The following CNTN4 variants were observed in gnomAD, a reference collection of about 807,000 sequenced individuals.
The protein encoded by CNTN4 is contactin 4.
In CNTN4, 77 loss-of-function variants were observed where a neutral mutation model predicts 122.5. The observed-to-expected ratio is 0.63, with a 90% CI of 0.52 to 0.76. The LOEUF is 0.76. Among genes scored for constraint, CNTN4 ranks in the 30% least tolerant of loss-of-function variants. CNTN4 has a pLI of 0.00. For synonymous variants in CNTN4, 512 were observed against 447.0 expected (o/e 1.15, Z -1.83); for missense variants, 1,256 against 1,259.1 (o/e 1.00, Z 0.04).
At chr3:2,901,478 C>T (rs2094172922) in intron 11 of CNTN4, among the ~76,000 whole-genome samples, 1 of 152,062 alleles carries the variant, frequency 6.6e-6, no homozygotes, top group South Asian at 2.1e-4. Flanking sequence ...CCTAACTCAC[C>T]CCCTGCCTCA....
chr3:2,650,777 G>T (rs1368277022), intron 4 of CNTN4, among the ~76,000 whole-genome samples: 1 of 152,118 alleles, frequency 6.6e-6, no homozygotes, highest in East Asian at 1.9e-4. Flanking sequence ...GTGTTTTTTA[G>T]ACATAATGCT....
intron 2 of CNTN4, among the ~76,000 whole-genome samples, chr3:2,241,237 A>T (rs2039922570): frequency 6.6e-6 from 1 of 152,222 alleles, no homozygotes; most frequent in South Asian, 2.1e-4. Flanking sequence ...ACTACTAATT[A>T]GAAAAGTTGT....
At chr3:2,981,192 A>C (rs542257090) in intron 13 of CNTN4, among the ~76,000 whole-genome samples, 2,101 of 152,192 alleles carry the variant, frequency 0.014, 22 homozygotes, top group Admixed American at 0.017. Context: ...CGCCTGTAGT[A>C]CCAGCACTTT....
At chr3:2,263,686 A>T (rs555148462) in intron 2 of CNTN4, among the ~76,000 whole-genome samples, 4 of 152,160 alleles carry the variant, frequency 2.6e-5, no homozygotes, top group African/African-American at 9.6e-5. Context: ...ATTATTGTTA[A>T]TTATAATTTC....
chr3:2,944,471 G>A (rs1258202034), intron 13 of CNTN4, among the ~76,000 whole-genome samples: 1 of 151,900 alleles, frequency 6.6e-6, no homozygotes, highest in Admixed American at 6.6e-5. Flanking sequence ...TGTTGGTAAC[G>A]AAACTTTTAT....
intron 4 of CNTN4, among the ~76,000 whole-genome samples, chr3:2,593,646 A>C (rs1162811786): frequency 6.6e-6 from 1 of 152,212 alleles, no homozygotes; most frequent in Admixed American, 6.5e-5. Context: ...TAAGAATGTT[A>C]CTGCCACAGC....
chr3:2,488,996 A>G (rs563647250), intron 3 of CNTN4, among the ~76,000 whole-genome samples: 4 of 152,330 alleles, frequency 2.6e-5, no homozygotes, highest in South Asian at 4.1e-4. Context: ...GCATCACTCT[A>G]CAGAAACATG....
rs186920318 is a variant in CNTN4 at position 2,577,408 on chromosome 3, T to C, written c.55+5850T>C. 6.6e-5 allele frequency among the ~76,000 whole-genome samples: 10 copies of C among 152,356 alleles called. No individual in the cohort carries two copies. In the East Asian group the frequency reaches 1.7e-3, roughly 26 times the overall value. On this transcript the variant is annotated intron_variant, in intron 4 of 24. Coordinates refer to ENST00000418658, the MANE Select transcript of CNTN4 (RefSeq NM_175607.3). ...ATGCTCACAAACCACTGTGTAGTTA[T>C]ATCTATAAATATTATCTGGGTCCTG...
At chr3:2,791,532 C>CAA (rs11425573) in intron 6 of CNTN4, among the ~76,000 whole-genome samples, 66 of 143,100 alleles carry the variant, frequency 4.6e-4, no homozygotes, top group East Asian at 6.1e-4. Flanking sequence ...GATCCTGTCT[C>CAA]AAAAAAAAAA....
At chr3:2,177,147 A>C (rs2036783470) in intron 2 of CNTN4, among the ~76,000 whole-genome samples, 1 of 152,148 alleles carries the variant, frequency 6.6e-6, no homozygotes, top group Non-Finnish European at 1.5e-5. Flanking sequence ...AATCATGAAA[A>C]CAAAAGTTTA....
intron 3 of CNTN4, among the ~76,000 whole-genome samples, chr3:2,451,966 A>G (rs1421850902): frequency 2.0e-5 from 3 of 152,210 alleles, no homozygotes; most frequent in African/African-American, 7.2e-5. Context: ...GCTCTTGAAA[A>G]GGAGATAGAT....
chr3:2,825,815 C>T (rs2092974946), intron 7 of CNTN4, among the ~76,000 whole-genome samples: 1 of 152,106 alleles, frequency 6.6e-6, no homozygotes. Flanking sequence ...GATTCTGATT[C>T]TGCGATTATT....
intron 3 of CNTN4, among the ~76,000 whole-genome samples, chr3:2,355,258 T>C (rs1211064438): frequency 6.6e-6 from 1 of 152,230 alleles, no homozygotes; most frequent in Non-Finnish European, 1.5e-5. Context: ...GATATTTTGC[T>C]CAAGATCACC....
At chr3:2,963,793 C>G (rs1341508311) in intron 13 of CNTN4, among the ~76,000 whole-genome samples, 1 of 152,158 alleles carries the variant, frequency 6.6e-6, no homozygotes, top group African/African-American at 2.4e-5. Context: ...GTTAGTCTCT[C>G]CTTCCACTGA....
chr3:2,685,852 A>G (rs566675930), intron 4 of CNTN4, among the ~76,000 whole-genome samples: 1 of 152,236 alleles, frequency 6.6e-6, no homozygotes, highest in African/African-American at 2.4e-5. Flanking sequence ...ACTTTTTGCC[A>G]TTATGTTTCT....
intron 9 of CNTN4, among the ~76,000 whole-genome samples, chr3:2,885,705 C>T (rs2093966564): frequency 6.6e-6 from 1 of 152,176 alleles, no homozygotes; most frequent in Non-Finnish European, 1.5e-5. Context: ...TTTATTATAT[C>T]TTACAATTTG....
At chr3:2,636,053 A>T (rs920677722) in intron 4 of CNTN4, among the ~76,000 whole-genome samples, 2 of 152,156 alleles carry the variant, frequency 1.3e-5, no homozygotes, top group African/African-American at 4.8e-5. Flanking sequence ...GGTGAGACAG[A>T]TGAATTTGAG....
At chr3:2,790,599 C>G (rs1361850468) in intron 6 of CNTN4, among the ~76,000 whole-genome samples, 1 of 152,162 alleles carries the variant, frequency 6.6e-6, no homozygotes, top group East Asian at 1.9e-4. Flanking sequence ...CCAGGCAAAT[C>G]AGCCACCAAG....
At chr3:2,926,280 G>A (rs1365220229) in intron 13 of CNTN4, among the ~76,000 whole-genome samples, 1 of 152,008 alleles carries the variant, frequency 6.6e-6, no homozygotes, top group Non-Finnish European at 1.5e-5. Flanking sequence ...AGAGTGTTAT[G>A]CTTTTTATTT....
Sources: gnomAD v4.1 joint callset for allele counts (sites outside exome capture counted in the v4.1 genomes callset) on GRCh38, gnomAD v4.1.1 for gene constraint, MANE v1.5 for transcripts, NCBI Gene and HGNC (gene_info 2026-07-23, HGNC 2026-07-21) for gene names.